NLK: variants seen among roughly 807,000 people sequenced by gnomAD.
NLK encodes serine/threonine-protein kinase NLK.
A neutral mutation model predicts 59.0 loss-of-function variants in NLK; 11 were observed. That is an observed-to-expected ratio of 0.19 (90% CI 0.12 to 0.31). The LOEUF (loss-of-function observed/expected upper bound fraction) is 0.31, where lower values mean the gene tolerates loss of function less well. NLK is among the 10% of genes least tolerant of loss of function. NLK has a pLI of 1.00. For synonymous variants in NLK, 235 were observed against 235.9 expected, an observed-to-expected ratio of 1.00 and a Z score of 0.03; for missense variants, 410 against 661.1, an observed-to-expected ratio of 0.62 and a Z score of 4.16.
chr17:28,098,732 G>A (rs1904795652), intron 1 of NLK, among the ~76,000 whole-genome samples: 1 of 145,236 alleles, frequency 6.9e-6, no homozygotes, highest in Non-Finnish European at 1.5e-5. Flanking sequence ...GCCCAGGCTG[G>A]AGTGCAATGG....
intron 3 of NLK, among the ~76,000 whole-genome samples, chr17:28,160,286 T>C (rs1038750046): frequency 2.0e-5 from 3 of 152,214 alleles, no homozygotes; most frequent in African/African-American, 4.8e-5. Context: ...AATTTTTAGT[T>C]GTTTTGTCAA....
At chr17:28,155,170 T>C (rs551059848) in intron 3 of NLK, among the ~76,000 whole-genome samples, 1 of 152,218 alleles carries the variant, frequency 6.6e-6, no homozygotes, top group South Asian at 2.1e-4. Context: ...AACCATTGAA[T>C]GGGATAAGCA....
At chr17:28,082,014 C>T (rs1910363429) in intron 1 of NLK, among the ~76,000 whole-genome samples, 2 of 152,204 alleles carry the variant, frequency 1.3e-5, no homozygotes, top group Non-Finnish European at 2.9e-5. Flanking sequence ...TTGCCTCATC[C>T]TCCCGAGTAG....
Position 28,150,102 on chromosome 17 carries a change from T to C in NLK, c.645-11058T>C, listed in dbSNP as rs149650889. Among the ~76,000 whole-genome samples the C allele has an allele frequency of 3.1e-3, 468 of 152,262 alleles. 1 individual carries two copies. Among genetic ancestry groups the C allele is most frequent in the African/African-American group, 0.011 (449 of 41,540 alleles). ...AATCTAGATTTAAATGCAAACTCTG[T>C]GTGGAGCAGCGTAACCTCTCCCAGC... On this transcript the variant is annotated intron_variant, in intron 3 of 10. Coordinates refer to ENST00000407008, the MANE Select transcript of NLK (RefSeq NM_016231.5).
chr17:28,061,753 TATATACAC>T (rs1388967842), intron 1 of NLK, among the ~76,000 whole-genome samples: 2 of 147,050 alleles, frequency 1.4e-5, no homozygotes, highest in Admixed American at 6.9e-5. Context: ...TATATATACA[TATATACAC>T]ATATACATAT....
rs1407031368 is a variant in NLK, at chr17:28,042,786, G to C, written c.-88G>C. ...AGACATAAAGCTCTATGTTTTTTGA[G>C]GTGGAGTGAGTGGTTTTTCTTCATT... is the stretch of plus-strand genomic sequence containing the variant. On this transcript the variant is annotated 5_prime_UTR_variant, in exon 1 of 11. Coordinates refer to ENST00000407008, the MANE Select transcript of NLK (RefSeq NM_016231.5). 1 of 1,164,324 alleles carries C rather than the reference G, an allele frequency of 8.6e-7. No individual in the cohort carries two copies. The highest frequency in any genetic ancestry group is 1.6e-5 in the African/African-American group (1 of 64,288). 72.1% of individuals were successfully genotyped at this position (1,164,324 alleles called of 1,614,324 possible).
chr17:28,187,282 A>C (rs1207944973), intron 8 of NLK, among the ~76,000 whole-genome samples: 1 of 151,838 alleles, frequency 6.6e-6, no homozygotes, highest in Non-Finnish European at 1.5e-5. Flanking sequence ...CTGAGATCCC[A>C]TGTTTTGTTT....
At chr17:28,117,346 T>C (rs1408018916) in intron 1 of NLK, among the ~76,000 whole-genome samples, 1 of 152,176 alleles carries the variant, frequency 6.6e-6, no homozygotes, top group Non-Finnish European at 1.5e-5. Flanking sequence ...GTCTTAAGAG[T>C]TAGGTTTCAC....
At chr17:28,170,360 T>C (rs1182321218) in intron 6 of NLK, among the ~76,000 whole-genome samples, 1 of 152,236 alleles carries the variant, frequency 6.6e-6, no homozygotes, top group African/African-American at 2.4e-5. Context: ...TCTTTGTAAA[T>C]AATTAATGCA....
chr17:28,068,535 G>A (rs1176207526), intron 1 of NLK, among the ~76,000 whole-genome samples: 4 of 152,108 alleles, frequency 2.6e-5, no homozygotes, highest in Non-Finnish European at 4.4e-5. Flanking sequence ...TTTTGGGGGG[G>A]AATTTGTTGA....
intron 1 of NLK, among the ~76,000 whole-genome samples, chr17:28,060,695 C>T (rs985270667): frequency 3.9e-5 from 6 of 152,168 alleles, no homozygotes; most frequent in South Asian, 4.1e-4. Context: ...ATTTCACTTT[C>T]GTTAATAAAC....
At chr17:28,096,418 T>C (rs1433590736) in intron 1 of NLK, among the ~76,000 whole-genome samples, 2 of 152,218 alleles carry the variant, frequency 1.3e-5, no homozygotes, top group African/African-American at 4.8e-5. Context: ...TGGTATAGAC[T>C]TGAGTTTTCA....
downstream of NLK, among the ~76,000 whole-genome samples, chr17:28,198,271 G>C (rs1909534153): frequency 6.6e-6 from 1 of 152,024 alleles, no homozygotes; most frequent in African/African-American, 2.4e-5. Context: ...CAAAATGCTG[G>C]GATTACAGAT....
At chr17:28,198,227 CCGA>C (rs530173064), downstream of NLK, among the ~76,000 whole-genome samples, 20 of 152,312 alleles carry the variant, frequency 1.3e-4, no homozygotes, top group South Asian at 3.9e-3. Context: ...GGCTCAACCT[CCGA>C]GGCTCAAGTG....
At chr17:28,063,520 T>C (rs1597659754) in intron 1 of NLK, among the ~76,000 whole-genome samples, 2 of 152,328 alleles carry the variant, frequency 1.3e-5, no homozygotes, top group South Asian at 2.1e-4. Flanking sequence ...TAAAAAGTAT[T>C]CACTAAAATT....
intron 3 of NLK, among the ~76,000 whole-genome samples, chr17:28,146,949 T>C (rs1441798865): frequency 6.6e-6 from 1 of 152,180 alleles, no homozygotes; most frequent in East Asian, 1.9e-4. Context: ...AAAATAAATT[T>C]AAAGCTGGAT....
In NLK at chr17:28,066,425, C is replaced by T. The variant is rs939889764; in HGVS notation, c.458+23094C>T. Among the ~76,000 whole-genome samples the T allele has an allele frequency of 4.6e-5, 7 of 152,342 alleles. No individual in the cohort carries two copies. The South Asian group carries it at 1.5e-3, about 32-fold the overall frequency. ...AGTTAAGTACCAAATCCAGTGGGCA[C>T]ATTTCAGTCCTTACGATTTATGTTG... On this transcript the variant is annotated intron_variant, in intron 1 of 10. Transcript: ENST00000407008.
chr17:28,076,023 A>G (rs191722136), intron 1 of NLK, among the ~76,000 whole-genome samples: 2 of 152,280 alleles, frequency 1.3e-5, no homozygotes, highest in East Asian at 1.9e-4. Flanking sequence ...TTTTTTGTAT[A>G]TGTCTTAAAT....
intron 3 of NLK, among the ~76,000 whole-genome samples, chr17:28,145,796 C>A (rs1409988318): frequency 1.3e-5 from 2 of 152,074 alleles, no homozygotes; most frequent in Admixed American, 1.3e-4. Flanking sequence ...GCCTCCACCT[C>A]CAGGGTTCAA....
Sources: allele counts gnomAD v4.1 joint callset (sites outside exome capture counted in the v4.1 genomes callset), GRCh38; gene constraint gnomAD v4.1.1; transcripts MANE v1.5; gene names NCBI Gene and HGNC (gene_info 2026-07-23, HGNC 2026-07-21).